CHST8: variants seen among roughly 807,000 people sequenced by gnomAD.
CHST8 encodes GALNAC-4-ST1.
A neutral mutation model predicts 15.0 loss-of-function variants in CHST8; 10 were observed. The observed-to-expected ratio is 0.67, with a 90% CI of 0.41 to 1.13. The LOEUF is 1.13. Ranked by LOEUF, CHST8 falls within the 50% of genes most tolerant of loss-of-function variation. The pLI is 0.00. For missense variants in CHST8, 634 were observed against 608.2 expected, an observed-to-expected ratio of 1.04 and a Z score of -0.45; for synonymous variants, 259 against 256.6, an observed-to-expected ratio of 1.01 and a Z score of -0.09.
intron 3 of CHST8, among the ~76,000 whole-genome samples, chr19:33,711,041 C>A (rs1332284492): frequency 6.6e-6 from 1 of 151,904 alleles, no homozygotes; most frequent in Non-Finnish European, 1.5e-5. Flanking sequence ...CAGCTAATTT[C>A]TTTATTTTTT....
intron 3 of CHST8, among the ~76,000 whole-genome samples, chr19:33,722,138 T>G (rs1175079260): frequency 6.8e-6 from 1 of 147,674 alleles, no homozygotes; most frequent in Non-Finnish European, 1.5e-5. Flanking sequence ...GATGAATGGA[T>G]GGATGGACAG....
intron 3 of CHST8, among the ~76,000 whole-genome samples, chr19:33,693,910 A>G (rs1438597647): frequency 6.6e-6 from 1 of 151,382 alleles, no homozygotes; most frequent in Non-Finnish European, 1.5e-5. Flanking sequence ...CACAGTGGCA[A>G]TGTTCTGATT....
chr19:33,633,698 C>G (rs1439025579), intron 1 of CHST8, among the ~76,000 whole-genome samples: 1 of 151,728 alleles, frequency 6.6e-6, no homozygotes, highest in Non-Finnish European at 1.5e-5. Context: ...ATGTCCAGTT[C>G]CTGCACATTC....
chr19:33,708,399 C>T (rs573465659), intron 3 of CHST8, among the ~76,000 whole-genome samples: 5 of 152,152 alleles, frequency 3.3e-5, no homozygotes, highest in East Asian at 3.8e-4. Flanking sequence ...TTTTGAGCCA[C>T]GTTTTGTGTA....
intron 3 of CHST8, among the ~76,000 whole-genome samples, chr19:33,729,049 TAGC>T (rs1190745192): frequency 1.3e-5 from 2 of 152,200 alleles, no homozygotes; most frequent in East Asian, 3.9e-4. Flanking sequence ...TGCTGGCTTC[TAGC>T]AGGCGTGGGC....
Position 33,772,338 on chromosome 19 carries a change from A to G in CHST8, c.550A>G (p.Ile184Val), listed in dbSNP as rs750856053. Reference sequence around the variant, plus strand: ...CGTCACGCCCCGCCACGTGTCCCGTATCTTCGTGGAGGACCGCCACCGCGT... The same window carrying G: ...CGTCACGCCCCGCCACGTGTCCCGTGTCTTCGTGGAGGACCGCCACCGCGT... ...RAVTPRHVSR[I>V]FVEDRHRVLY... The change falls in exon 5 of 5, where the codon ATC becomes GTC. Residue 184 changes from isoleucine (I) to valine (V), a missense_variant. Transcript: ENST00000650847. The G allele has an allele frequency of 6.2e-6, 10 of 1,606,440 alleles. No homozygotes were observed. Among genetic ancestry groups the G allele is most frequent in the Middle Eastern group, 1.7e-4 (1 of 6,058 alleles).
At chr19:33,720,849 G>C (rs2145309447) in intron 3 of CHST8, among the ~76,000 whole-genome samples, 1 of 152,366 alleles carries the variant, frequency 6.6e-6, no homozygotes, top group South Asian at 2.1e-4. Flanking sequence ...GCCAGTTCAG[G>C]GGCTTCCATA....
rs781078642 is a variant in CHST8, at chr19:33,758,610, G to A, written c.131-12803G>A. ...AGCCAGAACAATGCATCCCAAGGCC[G>A]GCTGGAGCTGGACCGATCATTTTCT... On this transcript the variant is annotated intron_variant, in intron 3 of 4. Transcript: ENST00000650847. Among the ~76,000 whole-genome samples the A allele has an allele frequency of 1.6e-4, 25 of 152,312 alleles. 1 individual carries two copies. Among genetic ancestry groups the A allele is most frequent in the Admixed American group, 1.0e-3 (16 of 15,304 alleles).
chr19:33,695,010 T>C (rs572622881), intron 3 of CHST8, among the ~76,000 whole-genome samples: 17 of 151,084 alleles, frequency 1.1e-4, no homozygotes, highest in East Asian at 7.9e-4. Context: ...GGCTGGTGTA[T>C]AGTCTTGCCA....
intron 1 of CHST8, among the ~76,000 whole-genome samples, chr19:33,655,080 A>T (rs1972493473): frequency 6.6e-6 from 1 of 152,186 alleles, no homozygotes; most frequent in Admixed American, 6.5e-5. Flanking sequence ...TCTGTTGCCC[A>T]GGCTAGAATG....
intron 3 of CHST8, among the ~76,000 whole-genome samples, chr19:33,759,672 T>C (rs1974678094): frequency 6.6e-6 from 1 of 152,204 alleles, no homozygotes; most frequent in Non-Finnish European, 1.5e-5. Flanking sequence ...TGTCTGCACT[T>C]GGGAGACCTG....
chr19:33,653,852 T>C (rs956921474), intron 1 of CHST8, among the ~76,000 whole-genome samples: 3 of 152,220 alleles, frequency 2.0e-5, no homozygotes, highest in Admixed American at 1.3e-4. Context: ...TGGTGATTAA[T>C]GTTCTCTTGA....
At chr19:33,755,921 G>A (rs1974536076) in intron 3 of CHST8, among the ~76,000 whole-genome samples, 1 of 152,202 alleles carries the variant, frequency 6.6e-6, no homozygotes, top group African/African-American at 2.4e-5. Context: ...GAGATGTGCA[G>A]GCAGAGGCTA....
At chr19:33,717,185 G>T (rs1055264166) in intron 3 of CHST8, among the ~76,000 whole-genome samples, 2 of 152,222 alleles carry the variant, frequency 1.3e-5, no homozygotes, top group Non-Finnish European at 2.9e-5. Flanking sequence ...CTCTGGCTGG[G>T]TGAGGTGGCT....
At chr19:33,720,178 T>C (rs1973757918) in intron 3 of CHST8, among the ~76,000 whole-genome samples, 1 of 151,994 alleles carries the variant, frequency 6.6e-6, no homozygotes, top group Admixed American at 6.6e-5. Context: ...TGTGTGGGCC[T>C]GGTGGTGACA....
chr19:33,711,251 C>T (rs1483887445), intron 3 of CHST8, among the ~76,000 whole-genome samples: 1 of 152,182 alleles, frequency 6.6e-6, no homozygotes, highest in Non-Finnish European at 1.5e-5. Context: ...AGGCTTCTCA[C>T]TCAGCTCTTT....
At chr19:33,626,769 C>A in intron 1 of CHST8, among the ~76,000 whole-genome samples, 1 of 149,230 alleles carries the variant, frequency 6.7e-6, no homozygotes, top group East Asian at 2.0e-4. Context: ...GCCAAATAAG[C>A]CGCTTTTTTT....
At chr19:33,657,156 C>CACAA (rs756944119) in intron 1 of CHST8, among the ~76,000 whole-genome samples, 87 of 146,504 alleles carry the variant, frequency 5.9e-4, no homozygotes, top group Admixed American at 1.4e-3. Context: ...CACACACACA[C>CACAA]AAACACACAT....
At chr19:33,757,651 C>T (rs963252034) in intron 3 of CHST8, among the ~76,000 whole-genome samples, 10 of 151,552 alleles carry the variant, frequency 6.6e-5, no homozygotes, top group African/African-American at 1.9e-4. Flanking sequence ...GGACAGGTAT[C>T]CAGGGGAGGT....
Sources: allele counts gnomAD v4.1 joint callset (sites outside exome capture counted in the v4.1 genomes callset), GRCh38; gene constraint gnomAD v4.1.1; transcripts MANE v1.5; gene names NCBI Gene and HGNC (gene_info 2026-07-23, HGNC 2026-07-21).